The following ANKRD11 variants were observed in gnomAD, a reference collection of about 807,000 sequenced individuals.
The protein encoded by ANKRD11 is ankyrin repeat domain-containing protein 11.
In ANKRD11, 17 loss-of-function variants were observed where a neutral mutation model predicts 195.7. The observed-to-expected ratio is 0.09, with a 90% CI of 0.06 to 0.13. ANKRD11 has a LOEUF of 0.13. Ranked by LOEUF, ANKRD11 falls within the 10% of genes least tolerant of loss-of-function variation. The pLI is 1.00. For missense variants in ANKRD11, 3,735 were observed against 3,566.1 expected (o/e 1.05, Z -1.21); for synonymous variants, 1,953 against 1,528.1 (o/e 1.28, Z -6.49).
At chr16:89,314,601 C>T (rs1340265200) in intron 3 of ANKRD11, among the ~76,000 whole-genome samples, 1 of 152,208 alleles carries the variant, frequency 6.6e-6, no homozygotes, top group African/African-American at 2.4e-5. Context: ...TGACACAGGG[C>T]TCCACCACGC....
At chr16:89,362,254 C>T (rs1004346535) in intron 2 of ANKRD11, among the ~76,000 whole-genome samples, 6 of 152,214 alleles carry the variant, frequency 3.9e-5, no homozygotes, top group Non-Finnish European at 8.8e-5. Context: ...ATATGCTTTT[C>T]GGGATCTCAG....
chr16:89,432,264 CA>C (rs1567797161), intron 1 of ANKRD11, among the ~76,000 whole-genome samples: 171 of 151,888 alleles, frequency 1.1e-3, no homozygotes, highest in African/African-American at 4.0e-3. Context: ...CACACACACA[CA>C]CACACACACA....
Position 89,474,896 on chromosome 16 carries a change from C to T in ANKRD11, c.-145+15349G>A, listed in dbSNP as rs140156072. Among the ~76,000 whole-genome samples the T allele has an allele frequency of 1.3e-3, 201 of 152,364 alleles. 1 individual carries two copies. The highest frequency in any genetic ancestry group is 4.6e-3 in the African/African-American group (191 of 41,578). On this transcript the variant is annotated intron_variant, in intron 1 of 12. Coordinates refer to ENST00000301030, the MANE Select transcript of ANKRD11 (RefSeq NM_013275.6). The stretch of plus-strand genomic sequence containing the variant: ...ATAAAATGTAAGTTAAATCTTCAAA[C>T]GCAAATTTGTGCTGATGATCTAGAA...
chr16:89,390,390 G>A (rs1033349740), intron 2 of ANKRD11, among the ~76,000 whole-genome samples: 1 of 152,140 alleles, frequency 6.6e-6, no homozygotes, highest in South Asian at 2.1e-4. Flanking sequence ...GAAGATCACT[G>A]GATCAAACCC....
At chr16:89,450,616 C>G (rs1309157756) in intron 1 of ANKRD11, among the ~76,000 whole-genome samples, 1 of 152,156 alleles carries the variant, frequency 6.6e-6, no homozygotes, top group African/African-American at 2.4e-5. Context: ...AATTCTCTTT[C>G]GCTATGCATA....
At chr16:89,487,906 G>A (rs962538935) in intron 1 of ANKRD11, among the ~76,000 whole-genome samples, 8 of 152,084 alleles carry the variant, frequency 5.3e-5, no homozygotes, top group African/African-American at 1.7e-4. Context: ...TGTAATTACC[G>A]CTAACATGGC....
chr16:89,378,014 C>G (rs2040495455), intron 2 of ANKRD11, among the ~76,000 whole-genome samples: 1 of 152,114 alleles, frequency 6.6e-6, no homozygotes, highest in Non-Finnish European at 1.5e-5. Flanking sequence ...CTTCTTTTCT[C>G]TAGCTTACTT....
chr16:89,330,993 G>A (rs534939128), intron 2 of ANKRD11, among the ~76,000 whole-genome samples: 12 of 152,234 alleles, frequency 7.9e-5, no homozygotes, highest in African/African-American at 2.2e-4. Flanking sequence ...TCACTTTGTC[G>A]CCCAGGCTGG....
intron 2 of ANKRD11, among the ~76,000 whole-genome samples, chr16:89,402,450 C>A (rs1328231186): frequency 6.6e-6 from 1 of 151,958 alleles, no homozygotes; most frequent in Admixed American, 6.6e-5. Flanking sequence ...GAAGCCGAGG[C>A]GGGAAGATCG....
chr16:89,278,904 G>C (rs1490362505), intron 9 of ANKRD11, 168 bp downstream of exon 9: 3 of 1,178,062 alleles, frequency 2.5e-6, no homozygotes, highest in Non-Finnish European at 3.7e-6. Flanking sequence ...GCAGCTTCCG[G>C]CTTTTGCCTC....
At chr16:89,338,726 CAAAAAAAAAAA>C (rs34799616) in intron 2 of ANKRD11, among the ~76,000 whole-genome samples, 473 of 43,824 alleles carry the variant, frequency 0.011, 9 homozygotes, top group African/African-American at 0.046. Flanking sequence ...CACTCAGTCT[CAAAAAAAAAAA>C]AAAAAAAAAA....
chr16:89,355,934 C>T (rs78124283), intron 2 of ANKRD11, among the ~76,000 whole-genome samples: 2 of 152,264 alleles, frequency 1.3e-5, no homozygotes, highest in African/African-American at 4.8e-5. Context: ...CTCAGGAACG[C>T]TAAGTGACTC....
intron 2 of ANKRD11, among the ~76,000 whole-genome samples, chr16:89,375,800 G>C (rs1342759306): frequency 6.9e-6 from 1 of 144,656 alleles, no homozygotes; most frequent in Non-Finnish European, 1.5e-5. Flanking sequence ...GCCTCTTGCA[G>C]TTCTCAAGTC....
At position 89,411,129 on chromosome 16, in the gene ANKRD11, G is replaced by A. The variant is rs1475197108; in HGVS notation, c.-60+7155C>T. The stretch of plus-strand genomic sequence containing the variant: ...GAGAGAAGGGTGGCCAGGGCAGAAG[G>A]CAGCAGCACAGGGGCTCGGGCCCAC... On this transcript the variant is annotated intron_variant, in intron 2 of 12. Transcript: ENST00000301030. 2.0e-5 allele frequency among the ~76,000 whole-genome samples: 3 copies of A among 152,274 alleles called. No homozygotes were observed. The East Asian group carries it at 5.8e-4, about 29-fold the overall frequency.
intron 2 of ANKRD11, among the ~76,000 whole-genome samples, chr16:89,387,013 G>A (rs2040943022): frequency 6.6e-6 from 1 of 152,002 alleles, no homozygotes; most frequent in Non-Finnish European, 1.5e-5. Context: ...GTGCTCTGGA[G>A]GCCGCCCGTG....
chr16:89,304,054 C>T (rs1307364541), intron 4 of ANKRD11, among the ~76,000 whole-genome samples: 2 of 152,234 alleles, frequency 1.3e-5, no homozygotes, highest in Admixed American at 6.5e-5. Flanking sequence ...GCTCTACTGC[C>T]TCCAACCTTC....
intron 4 of ANKRD11, among the ~76,000 whole-genome samples, chr16:89,293,779 T>C (rs1319052086): frequency 6.6e-6 from 1 of 151,940 alleles, no homozygotes; most frequent in African/African-American, 2.4e-5. Flanking sequence ...GGGGCGGTGT[T>C]GGGGCTGCAG....
chr16:89,425,458 T>C (rs2042678896), intron 1 of ANKRD11, among the ~76,000 whole-genome samples: 1 of 152,190 alleles, frequency 6.6e-6, no homozygotes. Flanking sequence ...CCTCATCTCA[T>C]TTTAGTTCTC....
At chr16:89,487,005 T>C (rs2057638833) in intron 1 of ANKRD11, among the ~76,000 whole-genome samples, 1 of 120,002 alleles carries the variant, frequency 8.3e-6, no homozygotes, top group Non-Finnish European at 1.8e-5. Flanking sequence ...CGAGACTCCG[T>C]CTCAAAAAAA....
Sources: gnomAD v4.1 joint callset for allele counts (sites outside exome capture counted in the v4.1 genomes callset) on GRCh38, gnomAD v4.1.1 for gene constraint, MANE v1.5 for transcripts, NCBI Gene and HGNC (gene_info 2026-07-23, HGNC 2026-07-21) for gene names.